SLC8A3: variants seen among roughly 807,000 people sequenced by gnomAD.
SLC8A3 encodes sodium/calcium exchanger 3.
In SLC8A3, 37 loss-of-function variants were observed where a neutral mutation model predicts 65.4. The ratio of observed to expected loss-of-function variants is 0.57; its 90% CI spans 0.44 to 0.74. The LOEUF is 0.74. Among genes scored for constraint, SLC8A3 ranks in the 30% least tolerant of loss-of-function variants. SLC8A3 has a pLI of 0.00. For synonymous variants in SLC8A3, 461 were observed against 444.5 expected (o/e 1.04, Z -0.47); for missense variants, 1,112 against 1,172.1 (o/e 0.95, Z 0.75).
chr14:70,083,220 A>C (rs945964834), intron 2 of SLC8A3, among the ~76,000 whole-genome samples: 2 of 152,228 alleles, frequency 1.3e-5, no homozygotes, highest in African/African-American at 4.8e-5. Flanking sequence ...TGCCTCAAGC[A>C]TGAAGCCTTC....
intron 1 of SLC8A3, among the ~76,000 whole-genome samples, chr14:70,187,599 C>CTGTGTGTGTGTGTGTGTGTG (rs3053393): frequency 1.7e-5 from 2 of 118,206 alleles, no homozygotes; most frequent in Non-Finnish European, 3.5e-5. Context: ...AGGGCTTTGA[C>CTGTGTGTGTGTGTGTGTGTG]TGTGTGTGTG....
At chr14:70,165,299 G>T (rs1224325905) in intron 2 of SLC8A3, among the ~76,000 whole-genome samples, 2 of 152,188 alleles carry the variant, frequency 1.3e-5, no homozygotes, top group East Asian at 3.9e-4. Flanking sequence ...GCAGTGCCCA[G>T]CTCTTTTTGA....
chr14:70,151,772 G>T (rs1027726509), intron 2 of SLC8A3, among the ~76,000 whole-genome samples: 2 of 152,194 alleles, frequency 1.3e-5, no homozygotes, highest in African/African-American at 4.8e-5. Flanking sequence ...TCCGAGAGGA[G>T]AATCTGTTCC....
At chr14:70,132,033 C>A (rs942493659) in intron 2 of SLC8A3, among the ~76,000 whole-genome samples, 1 of 152,208 alleles carries the variant, frequency 6.6e-6, no homozygotes, top group Non-Finnish European at 1.5e-5. Context: ...AAAGCAAGAA[C>A]CTGCAGACCA....
chr14:70,165,922 C>T (rs762047151), intron 2 of SLC8A3, among the ~76,000 whole-genome samples: 2 of 152,204 alleles, frequency 1.3e-5, no homozygotes, highest in Non-Finnish European at 2.9e-5. Flanking sequence ...GAGCTTAGAC[C>T]TGTGACTAAA....
chr14:70,057,388 C>T (rs1371865577), intron 3 of SLC8A3, among the ~76,000 whole-genome samples: 1 of 152,104 alleles, frequency 6.6e-6, no homozygotes, highest in Admixed American at 6.5e-5. Context: ...GGAAGAGCTT[C>T]CCCCAAGTTC....
At position 70,131,677 on chromosome 14, in the gene SLC8A3, T is replaced by A. The variant is rs578213819; in HGVS notation, c.1784+34962A>T. 4.6e-5 allele frequency among the ~76,000 whole-genome samples: 7 copies of A among 152,356 alleles called. No individual in the cohort carries two copies. In the East Asian group the frequency reaches 7.7e-4, roughly 17 times the overall value. On this transcript the variant is annotated intron_variant, in intron 2 of 6. Coordinates refer to ENST00000356921, the MANE Select transcript of SLC8A3 (RefSeq NM_182932.3). ...GAGAGAAACTGTGAGCTTCTTAGAT[T>A]GCATTTGATAAAGGGAAATGTGTCA...
intron 2 of SLC8A3, among the ~76,000 whole-genome samples, chr14:70,071,940 G>T (rs1890050207): frequency 6.6e-6 from 1 of 152,076 alleles, no homozygotes; most frequent in African/African-American, 2.4e-5. Context: ...TTTTGCTTTG[G>T]TATCTATTCT....
At chr14:70,059,340 G>A (rs989247577) in intron 3 of SLC8A3, 16 of 152,182 alleles carry the variant, frequency 1.1e-4, no homozygotes, top group Non-Finnish European at 1.0e-4. Flanking sequence ...GCTGCTCTTT[G>A]TCACATGAAT....
intron 2 of SLC8A3, among the ~76,000 whole-genome samples, chr14:70,062,117 C>A (rs1024229024): frequency 9.1e-4 from 1 of 1,096 alleles, no homozygotes; most frequent in Non-Finnish European, 1.7e-3. Flanking sequence ...TGGCGGGGGG[C>A]GGGGGGGAGA....
intron 1 of SLC8A3, among the ~76,000 whole-genome samples, chr14:70,168,868 C>T (rs1481222744): frequency 6.6e-6 from 1 of 152,106 alleles, no homozygotes; most frequent in Non-Finnish European, 1.5e-5. Context: ...ACTTCCTTAC[C>T]CTGTTGTCAT....
At chr14:70,106,018 G>A (rs1169308195) in intron 2 of SLC8A3, among the ~76,000 whole-genome samples, 1 of 151,832 alleles carries the variant, frequency 6.6e-6, no homozygotes, top group African/African-American at 2.4e-5. Context: ...GATACATAAA[G>A]GAATGACAAA....
intron 2 of SLC8A3, among the ~76,000 whole-genome samples, chr14:70,136,532 C>T (rs910090688): frequency 2.6e-5 from 4 of 152,182 alleles, no homozygotes; most frequent in Non-Finnish European, 4.4e-5. Flanking sequence ...GCCCACTCGC[C>T]TTTGCAGCCT....
intron 2 of SLC8A3, among the ~76,000 whole-genome samples, chr14:70,104,198 A>G (rs1892711681): frequency 6.6e-6 from 1 of 152,130 alleles, no homozygotes; most frequent in Non-Finnish European, 1.5e-5. Context: ...GGTTGTTAAC[A>G]TCCTTGTCAT....
At chr14:70,147,337 C>T (rs9888559) in intron 2 of SLC8A3, among the ~76,000 whole-genome samples, 232 of 152,230 alleles carry the variant, frequency 1.5e-3, no homozygotes, top group African/African-American at 5.4e-3. Flanking sequence ...GGAAATTGAA[C>T]CTTCAAGAGA....
rs1886556339 is a variant in SLC8A3, at chr14:70,044,670, G to C, written c.*1277C>G. ...TTTAAGAACAAGCAGGAACATGGGA[G>C]AAATGAGGAATTCCAGTTCCTATCT... is the stretch of plus-strand genomic sequence containing the variant. On this transcript the variant is annotated 3_prime_UTR_variant, in exon 7 of 7. Coordinates refer to ENST00000356921, the MANE Select transcript of SLC8A3 (RefSeq NM_182932.3). The C allele has an allele frequency of 6.6e-6, 1 of 152,148 alleles. No individual in the cohort carries two copies. Among genetic ancestry groups the C allele is most frequent in the Non-Finnish European group, 1.5e-5 (1 of 68,036 alleles). 9.4% of individuals were successfully genotyped at this position (152,148 alleles called of 1,614,324 possible). A position where few individuals can be genotyped will look rare whatever the true frequency, so the allele number is the denominator to read the frequency against.
intron 2 of SLC8A3, among the ~76,000 whole-genome samples, chr14:70,115,919 G>A (rs978439033): frequency 6.6e-6 from 1 of 152,172 alleles, no homozygotes; most frequent in Non-Finnish European, 1.5e-5. Flanking sequence ...AAGGGAAGAA[G>A]CGGAGGTCCT....
chr14:70,147,427 A>T (rs1348605795), intron 2 of SLC8A3, among the ~76,000 whole-genome samples: 4 of 152,190 alleles, frequency 2.6e-5, no homozygotes, highest in African/African-American at 7.2e-5. Flanking sequence ...CCGCAAGAAC[A>T]TGCCCTATAT....
rs915883751 is a variant in SLC8A3 at position 70,079,645 on chromosome 14, T to G, written c.1785-18706A>C. Among the ~76,000 whole-genome samples, 5 of 152,126 alleles carry G rather than the reference T, an allele frequency of 3.3e-5. No individual in the cohort carries two copies. In the East Asian group the frequency reaches 9.7e-4, roughly 29 times the overall value. On this transcript the variant is annotated intron_variant, in intron 2 of 6. Coordinates refer to ENST00000356921, the MANE Select transcript of SLC8A3 (RefSeq NM_182932.3). Reference sequence around the variant, plus strand: ...GGCATCATAATGGCCCCCACCCCCATGCCATATAATCACGCACCCTGGGAA... The same window carrying G: ...GGCATCATAATGGCCCCCACCCCCAGGCCATATAATCACGCACCCTGGGAA...
Sources: gnomAD v4.1 joint callset for allele counts (sites outside exome capture counted in the v4.1 genomes callset) on GRCh38, gnomAD v4.1.1 for gene constraint, MANE v1.5 for transcripts, NCBI Gene and HGNC (gene_info 2026-07-23, HGNC 2026-07-21) for gene names.